SLC7A9: variants seen among roughly 807,000 people sequenced by gnomAD.
SLC7A9 encodes the protein solute carrier family 7 member 9.
In SLC7A9, 38 loss-of-function variants were observed where a neutral mutation model predicts 54.1. The observed-to-expected ratio is 0.70, with a 90% confidence interval of 0.54 to 0.92. The LOEUF is 0.92. Ranked by LOEUF, SLC7A9 falls within the 40% of genes least tolerant of loss-of-function variation. The pLI, the probability that SLC7A9 is intolerant of heterozygous loss-of-function variation, is 0.00. For synonymous variants in SLC7A9, 264 were observed against 258.9 expected, an observed-to-expected ratio of 1.02 and a Z score of -0.19; for missense variants, 537 against 636.1, an observed-to-expected ratio of 0.84 and a Z score of 1.68.
chr19:32,844,107 G>A (rs1304330949), intron 9 of SLC7A9, among the ~76,000 whole-genome samples, 156 bp from the exon 10 acceptor site: 2 of 152,058 alleles, frequency 1.3e-5, no homozygotes, highest in Non-Finnish European at 2.9e-5. Flanking sequence ...GTCTGTCTTC[G>A]GGAGACGAGT....
intron 11 of SLC7A9, among the ~76,000 whole-genome samples, chr19:32,834,418 C>T (rs952886247): frequency 1.3e-5 from 2 of 152,034 alleles, no homozygotes; most frequent in Non-Finnish European, 1.5e-5. Context: ...TCACTTGAGT[C>T]TAGGAGTTCA....
chr19:32,864,519 A>G, intron 3 of SLC7A9, 110 bp downstream of exon 3: 1 of 1,538,720 alleles, frequency 6.5e-7, no homozygotes, highest in Non-Finnish European at 8.9e-7. Context: ...CCTGTTTGCC[A>G]TACATGTGCC....
chr19:32,858,693 G>A, intron 8 of SLC7A9, 150 bp from the exon 9 acceptor site: 1 of 671,598 alleles, frequency 1.5e-6, no homozygotes, highest in African/African-American at 1.8e-5. Flanking sequence ...GAGGAGAGAG[G>A]AGAACGCCAC....
chr19:32,862,126 A>G lies in SLC7A9; in HGVS notation c.696T>C (p.Tyr232=). 1.2e-6 allele frequency: 2 copies of G among 1,610,426 alleles called. No individual in the cohort carries two copies. The highest frequency in any genetic ancestry group is 2.2e-5 in the South Asian group (2 of 91,020). ...SLAFYNGLWA[Y]DGWNQLNYIT... is the part of the protein sequence containing the mutation. ...ATCTCAGGACACCTCACCATCCATC[A>G]TAGGCCCAGAGTCCATTGTAAAACG... Residue 232 remains tyrosine, a synonymous_variant, in exon 6 of 13, where the codon TAT becomes TAC. Coordinates refer to ENST00000023064, the MANE Select transcript of SLC7A9 (RefSeq NM_014270.5).
Position 32,833,137 on chromosome 19 carries a change from G to A in SLC7A9, c.1399+12C>T. 3.1e-6 allele frequency: 5 copies of A among 1,613,886 alleles called. No individual in the cohort carries two copies. Among genetic ancestry groups the A allele is most frequent in the Middle Eastern group, 1.7e-4 (1 of 6,042 alleles). On this transcript the variant is annotated intron_variant, in intron 12 of 12. Transcript: ENST00000023064. ...CTCACAGAGGCCAAGCGGCCCTTCT[G>A]TTGGTACTTACTTGAGATTTTCTGA...
rs566534934 is a variant in SLC7A9 at position 32,836,191 on chromosome 19, G to T, written c.1225-2868C>A. On this transcript the variant is annotated intron_variant, in intron 11 of 12. Transcript: ENST00000023064. ...GCCTCCCAACATGCTGGGATTACAG[G>T]TGTGAGCCACCACACCCGGCCTAAT... Among the ~76,000 whole-genome samples, 4 of 152,200 alleles carry T rather than the reference G, an allele frequency of 2.6e-5. 1 individual carries two copies. Among genetic ancestry groups the T allele is most frequent in the African/African-American group, 9.6e-5 (4 of 41,538 alleles).
chr19:32,855,626 T>C (rs1269922640), intron 9 of SLC7A9, among the ~76,000 whole-genome samples: 17 of 151,602 alleles, frequency 1.1e-4, no homozygotes, highest in Admixed American at 4.0e-4. Flanking sequence ...GGCGTGAACC[T>C]GGGAGGTGGA....
rs564270932 is a variant in SLC7A9, at chr19:32,846,428, G to C, written c.978-2477C>G. Among the ~76,000 whole-genome samples, 454 of 152,336 alleles carry C rather than the reference G, an allele frequency of 3.0e-3. 6 individuals are homozygous for C. The highest frequency in any genetic ancestry group is 0.01 in the African/African-American group (420 of 41,578). On this transcript the variant is annotated intron_variant, in intron 9 of 12. Transcript: ENST00000023064. ...CAGAGTCTCACTGATGGCTAGCACA[G>C]CAGTCTGAGATCAAACTGCAAGGCG...
chr19:32,860,078 C>A (rs765202685), intron 7 of SLC7A9, 114 bp from the exon 8 acceptor site: 1 of 1,589,378 alleles, frequency 6.3e-7, no homozygotes, highest in Admixed American at 1.8e-5. Flanking sequence ...AGAGGCCCAG[C>A]AGGAACATAA....
rs544921354 is a variant in SLC7A9, at chr19:32,843,117, T to G, written c.1074+738A>C. ...ATGGTTTATCAGTGCCCAGAACAGTTGCACAAAACAAGAACCATGCACCAT... is the reference window on the plus strand; with the variant it reads ...ATGGTTTATCAGTGCCCAGAACAGTGGCACAAAACAAGAACCATGCACCAT... On this transcript the variant is annotated intron_variant, in intron 10 of 12. Transcript: ENST00000023064. Among the ~76,000 whole-genome samples the G allele has an allele frequency of 3.9e-5, 6 of 152,162 alleles. No homozygotes were observed. The East Asian group carries it at 1.2e-3, about 30-fold the overall frequency.
chr19:32,843,469 A>C (rs1190256391), intron 10 of SLC7A9, among the ~76,000 whole-genome samples: 1 of 151,874 alleles, frequency 6.6e-6, no homozygotes, highest in African/African-American at 2.4e-5. Context: ...TCAAAAAAAA[A>C]GTCAAAGGGC....
chr19:32,836,427 A>G (rs371464475), intron 11 of SLC7A9, among the ~76,000 whole-genome samples: 2 of 151,964 alleles, frequency 1.3e-5, no homozygotes, highest in East Asian at 1.9e-4. Flanking sequence ...TCTTTTATCA[A>G]TTTCCTGTTT....
At chr19:32,844,226 G>T (rs1568517222) in intron 9 of SLC7A9, among the ~76,000 whole-genome samples, 1 of 152,168 alleles carries the variant, frequency 6.6e-6, no homozygotes, top group East Asian at 1.9e-4. Flanking sequence ...GATCACTTGA[G>T]CCCAGGAGTT....
intron 10 of SLC7A9, 51 bp downstream of exon 10, chr19:32,843,804 G>T: frequency 7.1e-7 from 1 of 1,401,316 alleles, no homozygotes; most frequent in Non-Finnish European, 1.0e-6. Flanking sequence ...GCACCCCATG[G>T]ATGGAGTGTC....
At chr19:32,846,827 GA>G (rs1477206237) in intron 9 of SLC7A9, among the ~76,000 whole-genome samples, 1 of 152,192 alleles carries the variant, frequency 6.6e-6, no homozygotes, top group Non-Finnish European at 1.5e-5. Flanking sequence ...AAAAATTCCA[GA>G]GGAACAATCA....
At chr19:32,855,731 C>A (rs924125742) in intron 9 of SLC7A9, among the ~76,000 whole-genome samples, 10 of 152,050 alleles carry the variant, frequency 6.6e-5, no homozygotes, top group Admixed American at 4.6e-4. Flanking sequence ...TGCAAGTTAG[C>A]TCACTGCAAC....
At chr19:32,845,379 CAGCTGAGGCTGA>C (rs990061813) in intron 9 of SLC7A9, among the ~76,000 whole-genome samples, 1 of 151,234 alleles carries the variant, frequency 6.6e-6, no homozygotes, top group African/African-American at 2.4e-5. Flanking sequence ...CCTGTAACCT[CAGCTGAGGCTGA>C]GGCTGAGGCA....
Position 32,859,109 on chromosome 19 carries a change from T to C in SLC7A9, c.874-566A>G, listed in dbSNP as rs570811898. Among the ~76,000 whole-genome samples, 6 of 151,708 alleles carry C rather than the reference T, an allele frequency of 4.0e-5. No individual in the cohort carries two copies. The East Asian group carries it at 9.7e-4, about 25-fold the overall frequency. ...GCCAAATCTTTATTTTTTAATTTGA[T>C]TTTTTTTGGAGACAGGATCTTGCTC... On this transcript the variant is annotated intron_variant, in intron 8 of 12. Coordinates refer to ENST00000023064, the MANE Select transcript of SLC7A9 (RefSeq NM_014270.5).
chr19:32,840,068 T>C (rs559569146), intron 11 of SLC7A9, among the ~76,000 whole-genome samples: 153 of 152,330 alleles, frequency 1.0e-3, no homozygotes, highest in Middle Eastern at 3.4e-3. Context: ...CTAGTTTTTT[T>C]CTGTCCCCTT....
Sources: allele counts gnomAD v4.1 joint callset (sites outside exome capture counted in the v4.1 genomes callset), GRCh38; gene constraint gnomAD v4.1.1; transcripts MANE v1.5; gene names NCBI Gene and HGNC (gene_info 2026-07-23, HGNC 2026-07-21).